The following DRD3 variants were observed in gnomAD, a reference collection of about 807,000 sequenced individuals.
DRD3 encodes dopamine receptor D3, also known as D(3) dopamine receptor.
A neutral mutation model predicts 36.3 loss-of-function variants in DRD3; 19 were observed. The observed-to-expected ratio is 0.52, with a 90% CI of 0.36 to 0.77. DRD3 has a LOEUF of 0.77. Ranked by LOEUF, DRD3 falls within the 30% of genes least tolerant of loss-of-function variation. DRD3 has a pLI of 0.00. For missense variants in DRD3, 465 were observed against 505.3 expected, an observed-to-expected ratio of 0.92 and a Z score of 0.77; for synonymous variants, 195 against 203.7, an observed-to-expected ratio of 0.96 and a Z score of 0.36.
In DRD3 at chr3:114,190,899, G is replaced by C. The variant is rs184592735; in HGVS notation, c.-156+8374C>G. Among the ~76,000 whole-genome samples the C allele has an allele frequency of 1.5e-3, 228 of 152,218 alleles. 1 individual carries two copies. Among genetic ancestry groups the C allele is most frequent in the Non-Finnish European group, 2.3e-3 (158 of 68,010 alleles). On this transcript the variant is annotated intron_variant, in intron 1 of 7. Coordinates refer to the DRD3 transcript ENST00000460779. ...TGTGTGTATGGAAAAGGAAAAGGCA[G>C]ATCATCTGAGTAGAAAAGGAAGACT...
chr3:114,176,681 G>A (rs2077902577), intron 1 of DRD3, among the ~76,000 whole-genome samples: 1 of 152,060 alleles, frequency 6.6e-6, no homozygotes, highest in African/African-American at 2.4e-5. Context: ...AAACGCTTCA[G>A]TAACAGGGTT....
At position 114,156,715 on chromosome 3, in the gene DRD3, G is replaced by GTCTTTCTT. The variant is rs1328717527; in HGVS notation, c.383+3032_383+3039dup. On this transcript the variant is annotated intron_variant, in intron 3 of 6. Coordinates refer to ENST00000383673, the MANE Select transcript of DRD3 (RefSeq NM_000796.6). ...ATGTTTTCCACAATATGGCTTGCCT[G>GTCTTTCTT]TCTTTCTTTCTTTCTTTCTTTCTTT... 2.7e-4 allele frequency among the ~76,000 whole-genome samples: 22 copies of GTCTTTCTT among 80,378 alleles called. 1 individual carries two copies. Among genetic ancestry groups the GTCTTTCTT allele is most frequent in the African/African-American group, 1.1e-3 (21 of 19,858 alleles). The allele number at this position is 80,378 out of a possible 152,430, so 52.7% of individuals were successfully genotyped here. A position where few individuals can be genotyped will look rare whatever the true frequency, so the allele number is the denominator to read the frequency against.
Position 114,128,118 on chromosome 3 carries a change from T to A in DRD3, c.*598A>T, listed in dbSNP as rs943855064. ...AGCAAAGTTTGAAATGAAGCCCCCA[T>A]CCCAATGTGGGACAGTGTTTCTCTT... On this transcript the variant is annotated 3_prime_UTR_variant, in exon 7 of 7. Coordinates refer to ENST00000383673, the MANE Select transcript of DRD3 (RefSeq NM_000796.6). Among the ~76,000 whole-genome samples the A allele has an allele frequency of 2.0e-5, 3 of 152,194 alleles. No homozygotes were observed. The South Asian group carries it at 6.2e-4, about 32-fold the overall frequency.
rs1392776977 is a variant in DRD3 at position 114,131,221 on chromosome 3, G to A, written c.903C>T (p.Leu301=). 6.2e-7 allele frequency: 1 copy of A among 1,614,186 alleles called. No homozygotes were observed. Among genetic ancestry groups the A allele is most frequent in the African/African-American group, 1.3e-5 (1 of 75,038 alleles). ...AAGATGTCGATAATCTGCCATTGCT[G>A]AGTTTTCGAACTTCTAAGCTGAGCT... is the stretch of plus-strand genomic sequence containing the variant. ...APKLSLEVRK[L]SNGRLSTSLK... is the part of the protein sequence containing the mutation. Residue 301 remains leucine (L), a synonymous_variant, in exon 6 of 7, where the codon CTC becomes CTT. Coordinates refer to ENST00000383673, the MANE Select transcript of DRD3 (RefSeq NM_000796.6).
intron 6 of DRD3, among the ~76,000 whole-genome samples, chr3:114,130,063 C>T (rs567604077): frequency 2.6e-5 from 4 of 151,922 alleles, no homozygotes; most frequent in East Asian, 1.9e-4. Flanking sequence ...GCCTGGGCAA[C>T]GTAATGAGAC....
At chr3:114,140,525 G>A (rs947958612) in intron 4 of DRD3, among the ~76,000 whole-genome samples, 9 of 152,202 alleles carry the variant, frequency 5.9e-5, no homozygotes, top group African/African-American at 2.2e-4. Context: ...CAGGCGATGA[G>A]CCAAGAGCTT....
At chr3:114,166,478 A>G (rs1163188240) in intron 2 of DRD3, among the ~76,000 whole-genome samples, 2 of 152,130 alleles carry the variant, frequency 1.3e-5, no homozygotes, top group African/African-American at 4.8e-5. Flanking sequence ...TGGGTTCCTT[A>G]TAAAAGGACA....
At chr3:114,134,254 G>GTTAT (rs893500354) in intron 5 of DRD3, among the ~76,000 whole-genome samples, 10 of 152,104 alleles carry the variant, frequency 6.6e-5, no homozygotes, top group South Asian at 4.2e-4. Context: ...ACTATTTAGT[G>GTTAT]TTATTTATTT....
rs375302913 is a variant in DRD3, at chr3:114,143,910, G to C, written c.526+3505C>G. 3.9e-5 allele frequency among the ~76,000 whole-genome samples: 6 copies of C among 152,266 alleles called. No homozygotes were observed. In the East Asian group the frequency reaches 1.2e-3, roughly 29 times the overall value. On this transcript the variant is annotated intron_variant, in intron 4 of 6. Coordinates refer to ENST00000383673, the MANE Select transcript of DRD3 (RefSeq NM_000796.6). ...CTAGATTTTTAAAAATAACACAATA[G>C]CTTTCTGATTTAGCAGGAATTTAAA...
chr3:114,179,065 G>C (rs907224635), upstream of DRD3: 5 of 152,116 alleles, frequency 3.3e-5, no homozygotes, highest in Admixed American at 2.6e-4. Flanking sequence ...CTCGGATACT[G>C]TGCTTTTTAG....
chr3:114,142,276 C>T, intron 4 of DRD3, among the ~76,000 whole-genome samples: 1 of 152,028 alleles, frequency 6.6e-6, no homozygotes, highest in Non-Finnish European at 1.5e-5. Context: ...GTTTTAAAAC[C>T]TGCCTGTGAT....
At chr3:114,138,868 G>A (rs372885999) in intron 5 of DRD3, among the ~76,000 whole-genome samples, 4 of 152,230 alleles carry the variant, frequency 2.6e-5, no homozygotes, top group Admixed American at 6.5e-5. Flanking sequence ...TCAAGTGATC[G>A]GTATATATCC....
At chr3:114,161,625 T>C (rs997133581) in intron 2 of DRD3, among the ~76,000 whole-genome samples, 9 of 152,208 alleles carry the variant, frequency 5.9e-5, no homozygotes, top group African/African-American at 2.2e-4. Flanking sequence ...ATTTACTGTC[T>C]CTCTTTTAGT....
chr3:114,166,566 G>A (rs748272665), intron 2 of DRD3, among the ~76,000 whole-genome samples: 1 of 152,154 alleles, frequency 6.6e-6, no homozygotes, highest in Non-Finnish European at 1.5e-5. Context: ...CTTCCCAGAT[G>A]GAGGCCTCTT....
At chr3:114,131,454 C>T in intron 5 of DRD3, 54 bp from the exon 6 acceptor site, 1 of 1,556,560 alleles carries the variant, frequency 6.4e-7, no homozygotes, top group Non-Finnish European at 8.7e-7. Context: ...TGTTTATCTT[C>T]TGAATGTTCC....
At position 114,147,522 on chromosome 3, in the gene DRD3, T is replaced by C; in HGVS notation, c.419A>G (p.His140Arg). The change falls in exon 4 of 7, where the codon CAT becomes CGT. Residue 140 changes from histidine (H) to arginine (R), a missense_variant. His to Arg is a conservative substitution (Grantham distance 29). Transcript: ENST00000383673. The stretch of plus-strand genomic sequence containing the variant: ...CCGACAGGAGCTCTGTCCCGTGCCA[T>C]GCTGGTAGTGAACGGGCATGACCAC... ...TAVVMPVHYQ[H>R]GTGQSSCRRV... 1 of 1,614,030 alleles carries C rather than the reference T, an allele frequency of 6.2e-7. No individual in the cohort carries two copies. The highest frequency in any genetic ancestry group is 8.5e-7 in the Non-Finnish European group (1 of 1,179,970).
intron 4 of DRD3, among the ~76,000 whole-genome samples, chr3:114,140,175 G>C (rs1056357391): frequency 6.6e-6 from 1 of 152,238 alleles, no homozygotes; most frequent in Non-Finnish European, 1.5e-5. Context: ...AAAGGAAGAA[G>C]CCTTATTTGC....
chr3:114,172,128 G>A (rs2077851861), intron 1 of DRD3, 101 bp from the exon 2 acceptor site: 4 of 973,122 alleles, frequency 4.1e-6, no homozygotes, highest in Non-Finnish European at 5.6e-6. Context: ...TATTTATTGA[G>A]CATTTTCTAT....
At chr3:114,155,347 A>G (rs1443329750) in intron 3 of DRD3, among the ~76,000 whole-genome samples, 1 of 152,090 alleles carries the variant, frequency 6.6e-6, no homozygotes, top group East Asian at 1.9e-4. Flanking sequence ...ATTGGCCCAT[A>G]TAGAACTATG....
Sources: gnomAD v4.1 joint callset for allele counts (sites outside exome capture counted in the v4.1 genomes callset) on GRCh38, gnomAD v4.1.1 for gene constraint, MANE v1.5 for transcripts, NCBI Gene and HGNC (gene_info 2026-07-23, HGNC 2026-07-21) for gene names.